Variants in RAP1A observed in about 807,000 individuals in gnomAD.
The protein encoded by RAP1A is RAP1A, member of RAS oncogene family, also known as ras-related protein Rap-1A.
Under a neutral mutation model 26.4 loss-of-function variants are expected in RAP1A, and 6 were observed. The ratio of observed to expected loss-of-function variants is 0.23; its 90% CI spans 0.12 to 0.45. The LOEUF (loss-of-function observed/expected upper bound fraction) is 0.45, where lower values mean the gene tolerates loss of function less well. RAP1A is among the 20% of genes least tolerant of loss of function. RAP1A has a pLI of 0.99. For synonymous variants in RAP1A, 73 were observed against 79.4 expected, an observed-to-expected ratio of 0.92 and a Z score of 0.43; for missense variants, 121 against 217.2, an observed-to-expected ratio of 0.56 and a Z score of 2.78.
At chr1:111,672,730 G>A (rs1228486749) in intron 1 of RAP1A, among the ~76,000 whole-genome samples, 1 of 152,154 alleles carries the variant, frequency 6.6e-6, no homozygotes, top group African/African-American at 2.4e-5. Flanking sequence ...TTTGTTCATT[G>A]CTAACCCTGC....
intron 6 of RAP1A, among the ~76,000 whole-genome samples, chr1:111,705,141 C>G (rs1217598228): frequency 6.6e-6 from 1 of 152,122 alleles, no homozygotes; most frequent in South Asian, 2.1e-4. Flanking sequence ...TTACTGGGCC[C>G]CTAAAAATTT....
intron 1 of RAP1A, among the ~76,000 whole-genome samples, chr1:111,673,443 A>G (rs1203227135): frequency 6.6e-6 from 1 of 152,248 alleles, no homozygotes; most frequent in Non-Finnish European, 1.5e-5. Flanking sequence ...TAAAAATTGC[A>G]GAAACAACAA....
intron 1 of RAP1A, among the ~76,000 whole-genome samples, chr1:111,607,550 G>A (rs1658812652): frequency 6.6e-6 from 1 of 151,594 alleles, no homozygotes; most frequent in Admixed American, 6.6e-5. Flanking sequence ...CGGGGCGGCT[G>A]GCCGGGCAGA....
At chr1:111,642,313 TA>T (rs2101120633) in intron 1 of RAP1A, among the ~76,000 whole-genome samples, 2 of 152,336 alleles carry the variant, frequency 1.3e-5, no homozygotes, top group South Asian at 4.1e-4. Flanking sequence ...ATGTGAGGAT[TA>T]AAAATACTAG....
At chr1:111,677,494 A>G (rs763740) in intron 1 of RAP1A, among the ~76,000 whole-genome samples, 20,105 of 152,108 alleles carry the variant, frequency 0.13, 2,029 homozygotes, top group African/African-American at 0.29. Context: ...TTTGAGAGTG[A>G]CTTGGTTGGA....
At chr1:111,675,367 G>A (rs191399470) in intron 1 of RAP1A, among the ~76,000 whole-genome samples, 2 of 152,238 alleles carry the variant, frequency 1.3e-5, no homozygotes, top group African/African-American at 4.8e-5. Context: ...AGCTACTCGG[G>A]AGGCTGAGGC....
At position 111,607,716 on chromosome 1, in the gene RAP1A, C is replaced by A. The variant is rs1465336791; in HGVS notation, c.-28+65207C>A. ...CTGACCCCCCCACCTCCCTCCCGGA[C>A]GGGGCGGCTGGCCGGGCAGAGGGGC... On this transcript the variant is annotated intron_variant, in intron 1 of 7. Coordinates refer to the RAP1A transcript ENST00000356415. Among the ~76,000 whole-genome samples, 14 of 145,262 alleles carry A rather than the reference C, an allele frequency of 9.6e-5. 1 individual carries two copies. Among genetic ancestry groups the A allele is most frequent in the Non-Finnish European group, 1.5e-5 (1 of 65,726 alleles).
chr1:111,607,672 C>T (rs1658817868), intron 1 of RAP1A, among the ~76,000 whole-genome samples: 2 of 146,130 alleles, frequency 1.4e-5, no homozygotes, highest in African/African-American at 2.5e-5. Flanking sequence ...CCGGACGGGG[C>T]GGCTGGCCGG....
chr1:111,701,965 G>A (rs973997722), intron 4 of RAP1A, among the ~76,000 whole-genome samples: 3 of 152,192 alleles, frequency 2.0e-5, no homozygotes, highest in African/African-American at 7.2e-5. Context: ...TACACTGGCA[G>A]CAGTATAGGA....
At chr1:111,632,298 TA>T (rs1659591081) in intron 1 of RAP1A, among the ~76,000 whole-genome samples, 1 of 152,038 alleles carries the variant, frequency 6.6e-6, no homozygotes. Flanking sequence ...CCTGTGTTTA[TA>T]AAGTTTCTAA....
chr1:111,675,609 G>A (rs1017343097), intron 1 of RAP1A, among the ~76,000 whole-genome samples: 4 of 152,260 alleles, frequency 2.6e-5, no homozygotes, highest in African/African-American at 9.6e-5. Flanking sequence ...TAAGCTCCTT[G>A]AGGATGGAAA....
At chr1:111,702,213 A>G (rs1662041998) in intron 4 of RAP1A, among the ~76,000 whole-genome samples, 1 of 152,238 alleles carries the variant, frequency 6.6e-6, no homozygotes, top group Admixed American at 6.5e-5. Context: ...TAATGCATCC[A>G]GAGGTAAAAA....
At chr1:111,660,135 G>A (rs1660584195) in intron 1 of RAP1A, among the ~76,000 whole-genome samples, 2 of 152,180 alleles carry the variant, frequency 1.3e-5, no homozygotes, top group Admixed American at 1.3e-4. Flanking sequence ...GTTTGAAAAT[G>A]TGTGCATTTC....
In RAP1A at chr1:111,714,569, T is replaced by G. The variant is rs1442644128; in HGVS notation, c.*2168T>G. 6.6e-6 allele frequency: 1 copy of G among 152,222 alleles called. No homozygotes were observed. The highest frequency in any genetic ancestry group is 1.5e-5 in the Non-Finnish European group (1 of 68,042). The allele number at this position is 152,222 out of a possible 1,614,324, so 9.4% of individuals were successfully genotyped here. On this transcript the variant is annotated 3_prime_UTR_variant, in exon 8 of 8. Coordinates refer to ENST00000369709, the MANE Select transcript of RAP1A (RefSeq NM_002884.4). The stretch of plus-strand genomic sequence containing the variant: ...GTTATTAGATTCCTTTGTCACATCT[T>G]ATACAGTCCACTTGGGTTAAAGGTG...
intron 2 of RAP1A, among the ~76,000 whole-genome samples, chr1:111,692,766 GT>G (rs1009630895): frequency 6.6e-6 from 1 of 151,966 alleles, no homozygotes. Context: ...TATAATTTGT[GT>G]TTTATATTTA....
chr1:111,697,098 C>T (rs1370496504), intron 3 of RAP1A, among the ~76,000 whole-genome samples: 2 of 152,112 alleles, frequency 1.3e-5, no homozygotes, highest in South Asian at 2.1e-4. Context: ...TATAAATACA[C>T]ATATGTACTT....
chr1:111,596,650 G>A (rs968352305), intron 1 of RAP1A, among the ~76,000 whole-genome samples: 4 of 152,238 alleles, frequency 2.6e-5, no homozygotes, highest in Admixed American at 2.0e-4. Flanking sequence ...TAGTTCTGCA[G>A]GCTGGGAAGT....
intron 1 of RAP1A, among the ~76,000 whole-genome samples, chr1:111,628,788 C>G (rs1659478091): frequency 2.6e-5 from 4 of 152,134 alleles, no homozygotes; most frequent in Non-Finnish European, 5.9e-5. Context: ...CCTAGGCTTA[C>G]ATGCAGTTAG....
intron 1 of RAP1A, among the ~76,000 whole-genome samples, chr1:111,690,245 C>T (rs935160779): frequency 8.5e-5 from 13 of 152,316 alleles, no homozygotes; most frequent in African/African-American, 3.1e-4. Flanking sequence ...GAGGTTTCTA[C>T]TGAATTCCTA....
Sources: gnomAD v4.1 joint callset for allele counts (sites outside exome capture counted in the v4.1 genomes callset) on GRCh38, gnomAD v4.1.1 for gene constraint, MANE v1.5 for transcripts, NCBI Gene and HGNC (gene_info 2026-07-23, HGNC 2026-07-21) for gene names.